The following AGTPBP1 variants were observed in gnomAD, a reference collection of about 807,000 sequenced individuals.
AGTPBP1 encodes the protein ATP/GTP binding carboxypeptidase 1.
In AGTPBP1, 70 loss-of-function variants were observed where a neutral mutation model predicts 143.9. The ratio of observed to expected loss-of-function variants is 0.49; its 90% CI spans 0.40 to 0.59. AGTPBP1 has a LOEUF of 0.59. Ranked by LOEUF, AGTPBP1 falls within the 20% of genes least tolerant of loss-of-function variation. AGTPBP1 has a pLI of 0.00. For synonymous variants in AGTPBP1, 463 were observed against 500.2 expected, an observed-to-expected ratio of 0.93 and a Z score of 0.99; for missense variants, 1,229 against 1,464.5, an observed-to-expected ratio of 0.84 and a Z score of 2.62.
intron 14 of AGTPBP1, among the ~76,000 whole-genome samples, chr9:85,632,337 A>G (rs538900104): frequency 6.6e-6 from 1 of 152,348 alleles, no homozygotes; most frequent in African/African-American, 2.4e-5. Context: ...TAAGTTAACA[A>G]ATATTGCTAA....
At chr9:85,712,219 G>A (rs1319749760) in intron 2 of AGTPBP1, among the ~76,000 whole-genome samples, 3 of 152,006 alleles carry the variant, frequency 2.0e-5, no homozygotes, top group South Asian at 2.1e-4. Flanking sequence ...AGCCGAGATC[G>A]TGCCACTGCA....
At chr9:85,784,398 G>C in the AGTPBP1 span, among the ~76,000 whole-genome samples, 3 of 152,146 alleles carry the variant, frequency 2.0e-5, no homozygotes, top group African/African-American at 7.2e-5. Context: ...CCCAGATACT[G>C]TCACCTGGGG....
chr9:85,571,621 A>T (rs1473188129), intron 25 of AGTPBP1, among the ~76,000 whole-genome samples: 1 of 152,240 alleles, frequency 6.6e-6, no homozygotes, highest in Non-Finnish European at 1.5e-5. Context: ...ATAATGGAGA[A>T]GTTTGGCAGA....
At chr9:85,801,228 C>G in the AGTPBP1 span, among the ~76,000 whole-genome samples, 1 of 152,124 alleles carries the variant, frequency 6.6e-6, no homozygotes, top group East Asian at 1.9e-4. Context: ...AGGAGAATCG[C>G]TTGAACCAGG....
At chr9:85,686,416 T>A (rs961458598) in intron 3 of AGTPBP1, among the ~76,000 whole-genome samples, 6 of 152,078 alleles carry the variant, frequency 3.9e-5, no homozygotes, top group African/African-American at 1.2e-4. Context: ...ACAAAAATCA[T>A]GTGAATGCAC....
intron 25 of AGTPBP1, among the ~76,000 whole-genome samples, chr9:85,561,171 G>A (rs113257118): frequency 5.3e-5 from 8 of 152,156 alleles, no homozygotes; most frequent in Admixed American, 3.9e-4. Context: ...AGACCAGCCT[G>A]GCTAATATGG....
chr9:85,641,267 C>G (rs1000292636), intron 13 of AGTPBP1, among the ~76,000 whole-genome samples: 2 of 152,158 alleles, frequency 1.3e-5, no homozygotes, highest in Non-Finnish European at 2.9e-5. Context: ...ACACAATAAT[C>G]GATTTCCTCC....
chr9:85,589,544 T>C lies in AGTPBP1; in HGVS notation c.2706A>G (p.Glu902=). ...CAAACTTACTGAAATGGCAGATATG[T>C]TCATAATAATTAGACTCTGGCATTG... ...ITAMPESNYY[E]HICHFRNRPY... is the part of the protein sequence containing the mutation. The change falls in exon 20 of 26, where the codon GAA becomes GAG. Residue 902 remains glutamate (E), a synonymous_variant. Transcript: ENST00000357081. 1 of 1,608,350 alleles carries C rather than the reference T, an allele frequency of 6.2e-7. No individual in the cohort carries two copies. The highest frequency in any genetic ancestry group is 1.1e-5 in the South Asian group (1 of 89,710).
chr9:85,785,361 C>A, the AGTPBP1 span, among the ~76,000 whole-genome samples: 3 of 152,046 alleles, frequency 2.0e-5, no homozygotes, highest in Non-Finnish European at 4.4e-5. Flanking sequence ...AAACTTTTGT[C>A]TTTGCAGGAC....
chr9:85,588,333 G>T lies in AGTPBP1; in HGVS notation c.2868C>A (p.Val956=), dbSNP rs372285242. ...TGACACCATCTGGATTTAACATAGG[G>T]ACAATTTTAAAAATATAAGATTCTC... is the stretch of plus-strand genomic sequence containing the variant. ...SLRESYIFKI[V]PMLNPDGVIN... The change falls in exon 21 of 26, where the codon GTC becomes GTA. Residue 956 remains valine (V), a synonymous_variant. Transcript: ENST00000357081. 1.2e-5 allele frequency: 19 copies of T among 1,609,702 alleles called. No homozygotes were observed. The highest frequency in any genetic ancestry group is 1.1e-4 in the African/African-American group (8 of 74,656).
the AGTPBP1 span, among the ~76,000 whole-genome samples, chr9:85,803,739 A>C: frequency 2.6e-5 from 4 of 152,148 alleles, no homozygotes; most frequent in African/African-American, 9.7e-5. Context: ...CAAAACCTTT[A>C]TTTCTAACTT....
intron 23 of AGTPBP1, among the ~76,000 whole-genome samples, chr9:85,581,639 TC>T (rs1564029330): frequency 6.6e-6 from 1 of 152,188 alleles, no homozygotes; most frequent in Non-Finnish European, 1.5e-5. Context: ...GTCATCTCAT[TC>T]AGGAATGATG....
chr9:85,700,026 G>A (rs1836541331), intron 2 of AGTPBP1, among the ~76,000 whole-genome samples: 1 of 152,172 alleles, frequency 6.6e-6, no homozygotes, highest in Admixed American at 6.5e-5. Context: ...AGAAGACAGA[G>A]TCTCATACCT....
chr9:85,709,212 A>G (rs558301054), intron 2 of AGTPBP1, among the ~76,000 whole-genome samples: 16 of 152,348 alleles, frequency 1.1e-4, no homozygotes, highest in African/African-American at 3.8e-4. Flanking sequence ...TAATAAACTA[A>G]AAGAGAAAAA....
chr9:85,637,554 C>T (rs145640067), intron 13 of AGTPBP1, among the ~76,000 whole-genome samples: 92 of 152,250 alleles, frequency 6.0e-4, no homozygotes, highest in African/African-American at 2.0e-3. Context: ...AAGCCTGACC[C>T]TAAAAAGTAA....
At chr9:85,773,749 A>C in the AGTPBP1 span, 138 of 696,778 alleles carry the variant, frequency 2.0e-4, no homozygotes, top group South Asian at 2.5e-3. Flanking sequence ...GAGATTAAGG[A>C]AGTTCATCTT....
chr9:85,627,973 T>C (rs1483568267), intron 14 of AGTPBP1, among the ~76,000 whole-genome samples: 1 of 152,236 alleles, frequency 6.6e-6, no homozygotes, highest in Non-Finnish European at 1.5e-5. Context: ...ACTTGAATTT[T>C]TGACCACACA....
Position 85,669,557 on chromosome 9 carries a change from C to A in AGTPBP1, c.590G>T (p.Gly197Val). The change falls in exon 8 of 26, where the codon GGG becomes GTG. Residue 197 changes from glycine to valine, a missense_variant. Gly to Val is a moderately radical substitution (Grantham distance 109, BLOSUM62 -3). Around this residue, in one of 2 missense-constraint regions of AGTPBP1, gnomAD observed 743 missense variants for 812.2 expected, o/e 0.91. Transcript: ENST00000357081. ...SANSVNSVSL[G>V]KNGVVELMFK... ...CATCAGTTCCACAACTCCATTTTTC[C>A]CTAAGGATACTGAATTCACAGCTGA... 1 of 1,611,248 alleles carries A rather than the reference C, an allele frequency of 6.2e-7. No homozygotes were observed. Among genetic ancestry groups the A allele is most frequent in the East Asian group, 2.2e-5 (1 of 44,676 alleles).
At chr9:85,760,018 G>C in the AGTPBP1 span, among the ~76,000 whole-genome samples, 2 of 152,068 alleles carry the variant, frequency 1.3e-5, no homozygotes, top group African/African-American at 4.8e-5. Flanking sequence ...AGAAAATCTA[G>C]AAGAAATGGA....
Sources: allele counts gnomAD v4.1 joint callset (sites outside exome capture counted in the v4.1 genomes callset), GRCh38; gene constraint gnomAD v4.1.1; regional missense constraint gnomAD v4.1.1; transcripts MANE v1.5; gene names NCBI Gene and HGNC (gene_info 2026-07-23, HGNC 2026-07-21).